The following C2CD2 variants were observed in gnomAD, a reference collection of about 807,000 sequenced individuals.
The protein encoded by C2CD2 is C2 calcium dependent domain containing 2, also known as C2 domain-containing protein 2.
In C2CD2, 43 loss-of-function variants were observed where a neutral mutation model predicts 74.3. The ratio of observed to expected loss-of-function variants is 0.58; its 90% CI spans 0.45 to 0.75. C2CD2 has a LOEUF of 0.75. Ranked by LOEUF, C2CD2 falls within the 30% of genes least tolerant of loss-of-function variation. C2CD2 has a pLI of 0.00. For missense variants in C2CD2, 801 were observed against 916.3 expected (o/e 0.87, Z 1.63); for synonymous variants, 422 against 390.7 (o/e 1.08, Z -0.94).
chr21:41,905,506 T>C (rs1382984632), intron 11 of C2CD2, among the ~76,000 whole-genome samples: 2 of 151,936 alleles, frequency 1.3e-5, no homozygotes, highest in Non-Finnish European at 2.9e-5. Flanking sequence ...TTAGTAGAGA[T>C]GGGGTTTTGC....
At chr21:41,942,282 G>A (rs1417863146) in intron 1 of C2CD2, 37 bp from the exon 2 acceptor site, 2 of 1,440,694 alleles carry the variant, frequency 1.4e-6, no homozygotes, top group Non-Finnish European at 9.5e-7. Context: ...GGCATGCACA[G>A]GAGGGGCTGC....
chr21:41,909,764 G>A (rs1288319541), intron 7 of C2CD2, among the ~76,000 whole-genome samples: 1 of 152,166 alleles, frequency 6.6e-6, no homozygotes, highest in African/African-American at 2.4e-5. Flanking sequence ...TGTGATGGCA[G>A]TGACAGAGAA....
rs376620861 is a variant in C2CD2, at chr21:41,923,228, C to T, written c.379-1143G>A. Among the ~76,000 whole-genome samples, 69 of 152,138 alleles carry T rather than the reference C, an allele frequency of 4.5e-4. 1 individual carries two copies. The Middle Eastern group carries it at 0.014, about 30-fold the overall frequency. ...CAGGAGGGTCTCGATCTCCTCACCTCGTGATCCGCCCACCTCGGCCTTCCA... is the reference window on the plus strand; with the variant it reads ...CAGGAGGGTCTCGATCTCCTCACCTTGTGATCCGCCCACCTCGGCCTTCCA... On this transcript the variant is annotated intron_variant, in intron 2 of 13. Coordinates refer to ENST00000380486, the MANE Select transcript of C2CD2 (RefSeq NM_015500.2). The surrounding 1 kb of genome is among the most constrained non-coding windows in gnomAD (Gnocchi z 5.8).
intron 2 of C2CD2, among the ~76,000 whole-genome samples, chr21:41,938,794 T>G (rs2065330751): frequency 6.7e-6 from 1 of 148,924 alleles, no homozygotes; most frequent in Non-Finnish European, 1.5e-5. Flanking sequence ...CAAGCTGGAG[T>G]GCACTGGCGT....
rs2065466571 is a variant in C2CD2 at position 41,953,381 on chromosome 21, C to G, written c.268G>C (p.Glu90Gln). ...TCCCGGAAACTCACCCCTTTCCTCT[C>G]GGCCTCCTCGTTCAGGGCGGTCACC... ...AWVTALNEEAERKGGPPFLSF... is the reference protein window; with the variant it reads ...AWVTALNEEAQRKGGPPFLSF... Residue 90 changes from glutamate to glutamine, a missense_variant, in exon 1 of 14, where the codon GAG becomes CAG. Glu to Gln is a conservative substitution (Grantham distance 29, BLOSUM62 2). Transcript: ENST00000380486. 1.4e-6 allele frequency: 2 copies of G among 1,418,098 alleles called. No homozygotes were observed. The highest frequency in any genetic ancestry group is 1.8e-6 in the Non-Finnish European group (2 of 1,082,702). 87.8% of individuals were successfully genotyped at this position (1,418,098 alleles called of 1,614,324 possible).
intron 13 of C2CD2, chr21:41,894,881 GACAGGAGC>G (rs1199378729): frequency 2.2e-6 from 1 of 456,760 alleles, no homozygotes; most frequent in African/African-American, 2.0e-5. Flanking sequence ...TCAAGGCTGA[GACAGGAGC>G]ACACTCTTGT....
chr21:41,937,688 C>T (rs913601509), intron 2 of C2CD2, among the ~76,000 whole-genome samples: 5 of 152,076 alleles, frequency 3.3e-5, no homozygotes, highest in Non-Finnish European at 7.4e-5. Context: ...TCAAAACAGC[C>T]AAGAGATGGG....
At chr21:41,935,997 G>GAA (rs71332346) in intron 2 of C2CD2, among the ~76,000 whole-genome samples, 174 of 150,028 alleles carry the variant, frequency 1.2e-3, no homozygotes, top group African/African-American at 4.0e-3. Context: ...AAAACTACTA[G>GAA]AAAAAAAAAC....
In C2CD2 at chr21:41,892,109, A is replaced by G. The variant is rs985860693; in HGVS notation, c.1871-2765T>C. Among the ~76,000 whole-genome samples the G allele has an allele frequency of 6.6e-6, 1 of 152,124 alleles. No individual in the cohort carries two copies. The highest frequency in any genetic ancestry group is 1.5e-5 in the Non-Finnish European group (1 of 68,024). On this transcript the variant is annotated intron_variant, in intron 13 of 13. Coordinates refer to ENST00000380486, the MANE Select transcript of C2CD2 (RefSeq NM_015500.2). This position sits in a 1 kb window ranked among gnomAD's most constrained non-coding sequence, Gnocchi z 4.6. Reference sequence around the variant, plus strand: ...AATTAGATCATTGGGGTGGCCCGTGATCCAATATGCCTGCTGTCCTTATCA... The same window carrying G: ...AATTAGATCATTGGGGTGGCCCGTGGTCCAATATGCCTGCTGTCCTTATCA...
intron 2 of C2CD2, among the ~76,000 whole-genome samples, chr21:41,940,988 G>GATAATAATA (rs113364514): frequency 6.6e-6 from 1 of 150,878 alleles, no homozygotes; most frequent in African/African-American, 2.4e-5. Flanking sequence ...AATATATAAT[G>GATAATAATA]ATAATAATAA....
At chr21:41,915,746 GTTCTT>G (rs2065082947) in intron 5 of C2CD2, among the ~76,000 whole-genome samples, 1 of 152,150 alleles carries the variant, frequency 6.6e-6, no homozygotes, top group Non-Finnish European at 1.5e-5. Context: ...GGCCAAGAGT[GTTCTT>G]TTATTTTATT....
Position 41,914,631 on chromosome 21 carries a change from G to C in C2CD2, c.811C>G (p.His271Asp). ...CCGGGCTCGCTGAGCAGCAAGACGT[G>C]GATGTTCCTCACCAGTAGCTTCAGC... ...HELKLLVRNI[H>D]VLLLSEPGAS... The change falls in exon 6 of 14, where the codon CAC (histidine) becomes GAC (aspartate). Residue 271 changes from histidine (H) to aspartate (D), a missense_variant. Physicochemically the swap from His to Asp is moderately conservative, Grantham distance 81. Transcript: ENST00000380486. 1 of 1,613,860 alleles carries C rather than the reference G, an allele frequency of 6.2e-7. No individual in the cohort carries two copies. Among genetic ancestry groups the C allele is most frequent in the Non-Finnish European group, 8.5e-7 (1 of 1,179,798 alleles).
At chr21:41,912,741 G>A (rs1029028665) in intron 6 of C2CD2, among the ~76,000 whole-genome samples, 3 of 151,972 alleles carry the variant, frequency 2.0e-5, no homozygotes, top group Non-Finnish European at 4.4e-5. Context: ...CACCCGCCTC[G>A]GCCTCCCAAA....
intron 12 of C2CD2, chr21:41,901,420 T>C (rs1358019160): frequency 9.5e-6 from 6 of 631,712 alleles, no homozygotes; most frequent in Non-Finnish European, 1.7e-5. Flanking sequence ...AAGTCTCCCA[T>C]GTCCTTGGTG....
At chr21:41,909,550 C>T in intron 7 of C2CD2, 27 bp from the exon 8 acceptor site, 4 of 1,499,972 alleles carry the variant, frequency 2.7e-6, no homozygotes, top group Non-Finnish European at 3.7e-6. Flanking sequence ...AGTTATGAGT[C>T]CTAAAAAATG....
At chr21:41,928,369 C>T (rs1194608302) in intron 2 of C2CD2, among the ~76,000 whole-genome samples, 3 of 152,246 alleles carry the variant, frequency 2.0e-5, no homozygotes, top group South Asian at 2.1e-4. Context: ...TCGTGGGAGT[C>T]GCATTCAGGG....
At position 41,895,678 on chromosome 21, in the gene C2CD2, C is replaced by T. The variant is rs966508583; in HGVS notation, c.1870+3375G>A. On this transcript the variant is annotated intron_variant, in intron 13 of 13. Coordinates refer to ENST00000380486, the MANE Select transcript of C2CD2 (RefSeq NM_015500.2). The surrounding 1 kb of genome is among the most constrained non-coding windows in gnomAD (Gnocchi z 5.0). ...AAGAAGGCTGAAGTATAAACAAATA[C>T]GTGAAAGAATTTAAACATAATTAAT... Among the ~76,000 whole-genome samples, 2 of 152,148 alleles carry T rather than the reference C, an allele frequency of 1.3e-5. No individual in the cohort carries two copies. The highest frequency in any genetic ancestry group is 2.1e-4 in the South Asian group (1 of 4,832).
intron 2 of C2CD2, among the ~76,000 whole-genome samples, chr21:41,940,123 A>C (rs1478673416): frequency 6.6e-6 from 1 of 152,244 alleles, no homozygotes; most frequent in Non-Finnish European, 1.5e-5. Context: ...ATCCAAAAAA[A>C]GATCTGATAC....
chr21:41,908,571 C>A (rs1363874460), intron 8 of C2CD2: 2 of 152,070 alleles, frequency 1.3e-5, no homozygotes, highest in African/African-American at 4.8e-5. Context: ...TCTTATCTCA[C>A]GGGCATCCCA....
Sources: allele counts gnomAD v4.1 joint callset (sites outside exome capture counted in the v4.1 genomes callset), GRCh38; gene constraint gnomAD v4.1.1; non-coding constraint Gnocchi (gnomAD v3.1); transcripts MANE v1.5; gene names NCBI Gene and HGNC (gene_info 2026-07-23, HGNC 2026-07-21).